SLC7A14: variants seen among roughly 807,000 people sequenced by gnomAD.
The protein encoded by SLC7A14 is solute carrier family 7 member 14.
SLC7A14 carries 37 observed loss-of-function variants against 60.2 expected under a neutral mutation model. That is an observed-to-expected ratio of 0.61 (90% CI 0.47 to 0.81). The LOEUF is 0.81. Among genes scored for constraint, SLC7A14 ranks in the 30% least tolerant of loss-of-function variants. The pLI is 0.00. For missense variants in SLC7A14, 886 were observed against 982.7 expected, an observed-to-expected ratio of 0.90 and a Z score of 1.32; for synonymous variants, 399 against 395.8, an observed-to-expected ratio of 1.01 and a Z score of -0.10.
chr3:170,511,613 G>C (rs1712982662), intron 2 of SLC7A14, among the ~76,000 whole-genome samples: 1 of 152,220 alleles, frequency 6.6e-6, no homozygotes, highest in South Asian at 2.1e-4. Flanking sequence ...TCATTGACGA[G>C]GAAGAGGAAT....
At chr3:170,577,971 C>T (rs973351405) in intron 1 of SLC7A14, among the ~76,000 whole-genome samples, 4 of 151,858 alleles carry the variant, frequency 2.6e-5, no homozygotes, top group African/African-American at 9.7e-5. Context: ...TAGCCTTGAC[C>T]CAAGCCTACC....
At chr3:170,489,209 T>A (rs1335132289) in intron 4 of SLC7A14, among the ~76,000 whole-genome samples, 2 of 152,178 alleles carry the variant, frequency 1.3e-5, no homozygotes, top group East Asian at 3.8e-4. Flanking sequence ...AAACTACCCA[T>A]CTGACAAGGG....
intron 2 of SLC7A14, among the ~76,000 whole-genome samples, chr3:170,518,986 C>T (rs1002406498): frequency 6.6e-6 from 1 of 152,148 alleles, no homozygotes; most frequent in Non-Finnish European, 1.5e-5. Context: ...CCAAACTTTC[C>T]ATAAAAGTCT....
chr3:170,542,466 A>G (rs1714049549), intron 1 of SLC7A14, among the ~76,000 whole-genome samples: 1 of 152,160 alleles, frequency 6.6e-6, no homozygotes, highest in South Asian at 2.1e-4. Context: ...CAGCTTGTCA[A>G]CCATTGGCCT....
At position 170,563,424 on chromosome 3, in the gene SLC7A14, T is replaced by G. The variant is rs201078855; in HGVS notation, c.-153+22487A>C. On this transcript the variant is annotated intron_variant, in intron 1 of 7. Coordinates refer to ENST00000231706, the MANE Select transcript of SLC7A14 (RefSeq NM_020949.3). ...AACACTGTTTGTTTGTTTGTTTTTT[T>G]TTTTTTTTTTTGAGATGGAGTCTTA... Among the ~76,000 whole-genome samples, 3 of 144,832 alleles carry G rather than the reference T, an allele frequency of 2.1e-5. No individual in the cohort carries two copies. The East Asian group carries it at 8.7e-4, about 42-fold the overall frequency.
At chr3:170,570,670 G>A (rs1430808065) in intron 1 of SLC7A14, among the ~76,000 whole-genome samples, 2 of 152,084 alleles carry the variant, frequency 1.3e-5, no homozygotes, top group African/African-American at 2.4e-5. Context: ...TTCTCACTCC[G>A]AAGCCCGGAC....
chr3:170,489,562 A>G (rs2108273877), intron 4 of SLC7A14, among the ~76,000 whole-genome samples: 1 of 152,366 alleles, frequency 6.6e-6, no homozygotes, highest in African/African-American at 2.4e-5. Context: ...TTGGGCTACC[A>G]TATGTTCCAG....
In SLC7A14 at chr3:170,495,497, C is replaced by A; in HGVS notation, c.759+3170G>T. On this transcript the variant is annotated intron_variant, in intron 4 of 7. Coordinates refer to ENST00000231706, the MANE Select transcript of SLC7A14 (RefSeq NM_020949.3). ...AGGTGTCCACCTCTGGCCCCCAGGC[C>A]TTTAGCAGCCGCTTTTACACGAATG... The A allele has an allele frequency of 5.8e-6, 5 of 856,910 alleles. No individual in the cohort carries two copies. The South Asian group carries it at 8.1e-5, about 14-fold the overall frequency. 53.1% of individuals were successfully genotyped at this position (856,910 alleles called of 1,614,324 possible).
rs1240729125 is a variant in SLC7A14 at position 170,582,359 on chromosome 3, T to G, written c.-153+3552A>C. Among the ~76,000 whole-genome samples, 5 of 152,212 alleles carry G rather than the reference T, an allele frequency of 3.3e-5. No homozygotes were observed. The South Asian group carries it at 1.0e-3, about 32-fold the overall frequency. On this transcript the variant is annotated intron_variant, in intron 1 of 7. Coordinates refer to ENST00000231706, the MANE Select transcript of SLC7A14 (RefSeq NM_020949.3). ...CTGATATCTGCCCTGTCCAACACAG[T>G]TGTCATTAGCCATATAGAGTTATTG...
Position 170,535,941 on chromosome 3 carries a change from C to T in SLC7A14, c.-152-8853G>A, listed in dbSNP as rs1187471354. ...ATACCAGGCTTGAGTGTGCCACGTG[C>T]TTCCTGCTGGGATCCTGACTGATAC... On this transcript the variant is annotated intron_variant, in intron 1 of 7. Transcript: ENST00000231706. The surrounding 1 kb of genome is among the most constrained non-coding windows in gnomAD (Gnocchi z 4.3). Among the ~76,000 whole-genome samples, 2 of 152,148 alleles carry T rather than the reference C, an allele frequency of 1.3e-5. No individual in the cohort carries two copies. The highest frequency in any genetic ancestry group is 2.9e-5 in the Non-Finnish European group (2 of 68,034).
intron 2 of SLC7A14, among the ~76,000 whole-genome samples, chr3:170,513,947 T>G (rs1224227353): frequency 1.3e-5 from 2 of 152,250 alleles, no homozygotes; most frequent in Non-Finnish European, 2.9e-5. Context: ...TTCCTTTGGT[T>G]TCACTCCCTT....
chr3:170,526,461 A>T (rs535194329), intron 2 of SLC7A14, among the ~76,000 whole-genome samples, 172 bp downstream of exon 2: 1 of 152,208 alleles, frequency 6.6e-6, no homozygotes, highest in South Asian at 2.1e-4. Flanking sequence ...ACTATAATTA[A>T]GTCAAAACCT....
At chr3:170,562,354 G>A (rs966522954) in intron 1 of SLC7A14, among the ~76,000 whole-genome samples, 2 of 152,198 alleles carry the variant, frequency 1.3e-5, no homozygotes, top group African/African-American at 4.8e-5. Context: ...ACCTGGATGG[G>A]ATTGGAGACT....
rs185149465 is a variant in SLC7A14, at chr3:170,515,732, C to T, written c.304+10901G>A. On this transcript the variant is annotated intron_variant, in intron 2 of 7. Transcript: ENST00000231706. ...GACAGGCAATCTAATTCAAACTCTT[C>T]ATTTTTCAGAGGAGGAAACTGAGAT... 5.5e-4 allele frequency among the ~76,000 whole-genome samples: 84 copies of T among 152,220 alleles called. No homozygotes were observed. The South Asian group carries it at 8.3e-3, about 15-fold the overall frequency.
intron 2 of SLC7A14, among the ~76,000 whole-genome samples, chr3:170,525,210 C>T (rs1437825323): frequency 3.9e-5 from 6 of 152,138 alleles, no homozygotes; most frequent in African/African-American, 7.2e-5. Flanking sequence ...TGCAAAAAGC[C>T]GGAGGTTTTC....
chr3:170,495,580 G>A (rs1001320639), intron 4 of SLC7A14: 19 of 763,140 alleles, frequency 2.5e-5, no homozygotes, highest in Middle Eastern at 2.8e-4. Flanking sequence ...AGCAGCTTCC[G>A]GGGTGGCCTG....
At chr3:170,493,519 C>A (rs1712283980) in intron 4 of SLC7A14, among the ~76,000 whole-genome samples, 1 of 152,164 alleles carries the variant, frequency 6.6e-6, no homozygotes, top group Non-Finnish European at 1.5e-5. Context: ...GTGGGTTGGA[C>A]CTCTGTACTA....
intron 5 of SLC7A14, among the ~76,000 whole-genome samples, chr3:170,484,815 C>A (rs1301471083): frequency 1.3e-5 from 2 of 152,120 alleles, no homozygotes; most frequent in African/African-American, 4.8e-5. Flanking sequence ...AGTAACATAA[C>A]CACTTGCAAT....
intron 1 of SLC7A14, among the ~76,000 whole-genome samples, chr3:170,533,197 C>T (rs950574409): frequency 1.3e-5 from 2 of 152,298 alleles, no homozygotes; most frequent in Middle Eastern, 3.4e-3. Flanking sequence ...TCACCAGATA[C>T]GGCTTTATGT....
Sources: gnomAD v4.1 joint callset for allele counts (sites outside exome capture counted in the v4.1 genomes callset) on GRCh38, gnomAD v4.1.1 for gene constraint, Gnocchi (gnomAD v3.1) non-coding constraint, MANE v1.5 for transcripts, NCBI Gene and HGNC (gene_info 2026-07-23, HGNC 2026-07-21) for gene names.